The following GRID2 variants were observed in gnomAD, a reference collection of about 807,000 sequenced individuals.
The protein encoded by GRID2 is glutamate ionotropic receptor delta type subunit 2, also known as glutamate receptor ionotropic, delta-2.
Under a neutral mutation model 114.8 loss-of-function variants are expected in GRID2, and 33 were observed. The ratio of observed to expected loss-of-function variants is 0.29; its 90% CI spans 0.22 to 0.38. GRID2 has a LOEUF of 0.38. Among genes scored for constraint, GRID2 ranks in the 10% least tolerant of loss-of-function variants. The probability of loss-of-function intolerance (pLI) is 1.00; values close to 1 mark genes in which losing one functional copy is unlikely to be tolerated. For synonymous variants in GRID2, 505 were observed against 449.9 expected, an observed-to-expected ratio of 1.12 and a Z score of -1.55; for missense variants, 1,184 against 1,257.7, an observed-to-expected ratio of 0.94 and a Z score of 0.89.
chr4:92,919,332 T>C (rs1260315589), intron 2 of GRID2, among the ~76,000 whole-genome samples: 1 of 152,050 alleles, frequency 6.6e-6, no homozygotes, highest in Non-Finnish European at 1.5e-5. Context: ...TTTTAAAGGG[T>C]TTTTTGTGTC....
At chr4:93,235,039 C>T (rs1251372947) in intron 7 of GRID2, among the ~76,000 whole-genome samples, 1 of 152,008 alleles carries the variant, frequency 6.6e-6, no homozygotes, top group African/African-American at 2.4e-5. Flanking sequence ...CATAAAGTCT[C>T]AGTAATTTTT....
chr4:92,572,702 T>C (rs1727689870), intron 1 of GRID2, among the ~76,000 whole-genome samples: 1 of 152,138 alleles, frequency 6.6e-6, no homozygotes, highest in Non-Finnish European at 1.5e-5. Context: ...AACTTTTTGA[T>C]GTGCTGTTGG....
intron 11 of GRID2, among the ~76,000 whole-genome samples, chr4:93,477,696 T>C (rs567742983): frequency 6.6e-6 from 1 of 152,302 alleles, no homozygotes; most frequent in East Asian, 1.9e-4. Flanking sequence ...AATAAAGTTC[T>C]TGTATAACAA....
chr4:92,782,731 G>C (rs1481206144), intron 2 of GRID2, among the ~76,000 whole-genome samples: 1 of 151,992 alleles, frequency 6.6e-6, no homozygotes, highest in African/African-American at 2.4e-5. Context: ...AATACATGAT[G>C]AGTGGGAAAA....
intron 2 of GRID2, among the ~76,000 whole-genome samples, chr4:93,065,245 T>C (rs1728198355): frequency 6.6e-6 from 1 of 152,038 alleles, no homozygotes; most frequent in East Asian, 1.9e-4. Context: ...TGAGAGATTA[T>C]ATTTAAAAGT....
chr4:93,263,642 T>A (rs1345450269), intron 8 of GRID2, among the ~76,000 whole-genome samples: 1 of 152,124 alleles, frequency 6.6e-6, no homozygotes, highest in African/African-American at 2.4e-5. Context: ...ATAGTTCATT[T>A]GGCTTATAAT....
intron 3 of GRID2, among the ~76,000 whole-genome samples, chr4:93,104,864 A>T (rs1395441406): frequency 6.6e-6 from 1 of 151,976 alleles, no homozygotes; most frequent in South Asian, 2.1e-4. Flanking sequence ...CTAGTTCTAG[A>T]TCCCTGAGGA....
intron 14 of GRID2, among the ~76,000 whole-genome samples, chr4:93,763,649 T>C (rs1204430502): frequency 6.6e-6 from 1 of 152,186 alleles, no homozygotes; most frequent in East Asian, 1.9e-4. Context: ...CAACTATTTA[T>C]TATCTGTGTG....
chr4:92,722,015 A>C (rs1735830668), intron 2 of GRID2, among the ~76,000 whole-genome samples: 1 of 152,174 alleles, frequency 6.6e-6, no homozygotes, highest in Admixed American at 6.6e-5. Flanking sequence ...TTTAAACCTG[A>C]GAGGACTCCC....
intron 11 of GRID2, among the ~76,000 whole-genome samples, chr4:93,482,337 C>T (rs1725953487): frequency 6.6e-6 from 1 of 151,976 alleles, no homozygotes; most frequent in Non-Finnish European, 1.5e-5. Context: ...ACATTTATAC[C>T]ATGAAATACT....
chr4:92,595,927 A>T (rs192171723), intron 2 of GRID2, among the ~76,000 whole-genome samples: 1 of 152,182 alleles, frequency 6.6e-6, no homozygotes, highest in Admixed American at 6.6e-5. Flanking sequence ...ATTATTTGAC[A>T]CTTCTTTCCA....
At position 92,931,771 on chromosome 4, in the gene GRID2, C is replaced by T. The variant is rs565546836; in HGVS notation, c.245-153224C>T. On this transcript the variant is annotated intron_variant, in intron 2 of 15. Transcript: ENST00000282020. ...TAGTAATAAAGTCATGTGTTATTGCCGTAAGAATATTTCAGCAAAACATAA... is the reference window on the plus strand; with the variant it reads ...TAGTAATAAAGTCATGTGTTATTGCTGTAAGAATATTTCAGCAAAACATAA... 2.7e-5 allele frequency among the ~76,000 whole-genome samples: 4 copies of T among 150,568 alleles called. No individual in the cohort carries two copies. In the South Asian group the frequency reaches 6.3e-4, roughly 24 times the overall value.
chr4:92,735,270 CT>C (rs1455268570), intron 2 of GRID2, among the ~76,000 whole-genome samples: 1 of 152,060 alleles, frequency 6.6e-6, no homozygotes, highest in Non-Finnish European at 1.5e-5. Context: ...GCTATGGATG[CT>C]ACCGAATCCT....
chr4:93,024,877 A>G (rs1244714832), intron 2 of GRID2, among the ~76,000 whole-genome samples: 1 of 151,790 alleles, frequency 6.6e-6, no homozygotes, highest in Non-Finnish European at 1.5e-5. Flanking sequence ...CCTATATTTT[A>G]ATGCAACAAG....
chr4:93,022,379 C>G (rs1358653986), intron 2 of GRID2, among the ~76,000 whole-genome samples: 1 of 151,846 alleles, frequency 6.6e-6, no homozygotes, highest in African/African-American at 2.4e-5. Flanking sequence ...TCTATGCATT[C>G]TAATTCGTTG....
At chr4:93,002,964 C>A (rs1036441876) in intron 2 of GRID2, among the ~76,000 whole-genome samples, 1 of 151,800 alleles carries the variant, frequency 6.6e-6, no homozygotes, top group East Asian at 1.9e-4. Flanking sequence ...TCCATCTTCA[C>A]GTCTCCTAAT....
intron 2 of GRID2, among the ~76,000 whole-genome samples, chr4:92,603,590 C>T (rs1365202155): frequency 6.6e-6 from 1 of 151,928 alleles, no homozygotes; most frequent in Non-Finnish European, 1.5e-5. Context: ...AAAAACCCTA[C>T]AAGAAAATCT....
chr4:92,707,170 AG>A (rs751912303), intron 2 of GRID2, among the ~76,000 whole-genome samples: 13 of 152,188 alleles, frequency 8.5e-5, no homozygotes, highest in Non-Finnish European at 1.8e-4. Flanking sequence ...GAAAATAAAA[AG>A]TACATTATAA....
At chr4:92,781,508 C>T (rs908345955) in intron 2 of GRID2, among the ~76,000 whole-genome samples, 11 of 151,886 alleles carry the variant, frequency 7.2e-5, no homozygotes, top group East Asian at 3.9e-4. Context: ...TGATAAAATA[C>T]GCATTAATCT....
Sources: gnomAD v4.1 joint callset for allele counts (sites outside exome capture counted in the v4.1 genomes callset) on GRCh38, gnomAD v4.1.1 for gene constraint, MANE v1.5 for transcripts, NCBI Gene and HGNC (gene_info 2026-07-23, HGNC 2026-07-21) for gene names.